The following TNIK variants were observed in gnomAD, a reference collection of about 807,000 sequenced individuals.
The protein encoded by TNIK is TRAF2 and NCK interacting kinase, also known as TRAF2 and NCK-interacting protein kinase.
Under a neutral mutation model 191.3 loss-of-function variants are expected in TNIK, and 49 were observed. That is an observed-to-expected ratio of 0.26 (90% CI 0.20 to 0.32). The LOEUF (loss-of-function observed/expected upper bound fraction) is 0.32. TNIK is among the 10% of genes least tolerant of loss of function. The pLI is 1.00. For missense variants in TNIK, 1,155 were observed against 1,702.3 expected (o/e 0.68, Z 5.66); for synonymous variants, 594 against 600.9 (o/e 0.99, Z 0.17).
intron 7 of TNIK, among the ~76,000 whole-genome samples, chr3:171,179,928 C>T (rs1036948675): frequency 3.9e-5 from 6 of 152,128 alleles, no homozygotes; most frequent in African/African-American, 1.4e-4. Flanking sequence ...TATCTCCAGA[C>T]CTTGGTAGTT....
chr3:171,403,611 CAAAAAAA>C lies in TNIK; in HGVS notation c.58-33933_58-33927del, dbSNP rs57982642. Among the ~76,000 whole-genome samples the C allele has an allele frequency of 3.6e-4, 36 of 100,166 alleles. 1 individual carries two copies. In the East Asian group the frequency reaches 0.013, roughly 35 times the overall value. 65.7% of individuals were successfully genotyped at this position (100,166 alleles called of 152,430 possible). ...CCTGGGCGACAGTGAGACTCCGTATCAAAAAAAAAAAAAAAAAAAAAAGAAAAGAAAA... is the reference window on the plus strand; with the variant it reads ...CCTGGGCGACAGTGAGACTCCGTATCAAAAAAAAAAAAAAAGAAAAGAAAA... On this transcript the variant is annotated intron_variant, in intron 1 of 32. Coordinates refer to ENST00000436636, the MANE Select transcript of TNIK (RefSeq NM_015028.4).
intron 5 of TNIK, among the ~76,000 whole-genome samples, chr3:171,192,999 A>G (rs1372916219): frequency 6.6e-6 from 1 of 152,176 alleles, no homozygotes; most frequent in African/African-American, 2.4e-5. Context: ...GCTGGAATAA[A>G]TTTTTGAATA....
Position 171,094,032 on chromosome 3 carries a change from TATTC to T in TNIK, c.2592-68_2592-65del, listed in dbSNP as rs534378811. On this transcript the variant is annotated intron_variant, in intron 22 of 32. Transcript: ENST00000436636. ...TTAGGAAATATCTGTTTCCTGTCCATATTCATTATTTTTGTTATGGTAAAATATA... is the reference window on the plus strand; with the variant it reads ...TTAGGAAATATCTGTTTCCTGTCCATATTATTTTTGTTATGGTAAAATATA... 5.6e-5 allele frequency: 87 copies of T among 1,554,068 alleles called. 1 individual carries two copies. In the East Asian group the frequency reaches 1.7e-3, roughly 31 times the overall value.
At chr3:171,104,110 A>AT (rs1576818654) in intron 21 of TNIK, among the ~76,000 whole-genome samples, 1 of 151,998 alleles carries the variant, frequency 6.6e-6, no homozygotes, top group African/African-American at 2.4e-5. Context: ...GAGGCGAGAC[A>AT]TATACCAGAA....
Position 171,140,425 on chromosome 3 carries a change from C to A in TNIK, c.1306G>T (p.Glu436Ter). 6.2e-7 allele frequency: 1 copy of A among 1,606,954 alleles called. No homozygotes were observed. Among genetic ancestry groups the A allele is most frequent in the Non-Finnish European group, 8.5e-7 (1 of 1,176,680 alleles). Residue 436 changes from glutamate to a stop codon, truncating the protein, a stop_gained, in exon 13 of 33, where the codon GAG (glutamate) becomes TAG (stop). Coordinates refer to ENST00000436636, the MANE Select transcript of TNIK (RefSeq NM_015028.4). LOFTEE classifies it high-confidence loss of function. ...HYEEQMRREE[E>*]RRRAEHEQEY... ...TGTTCATGCTCCGCACGCCTCCTCT[C>A]CTCCTCCCGGCGCATCTGCTCCTCA...
chr3:171,302,215 T>C (rs1388504021), intron 2 of TNIK, among the ~76,000 whole-genome samples: 1 of 152,138 alleles, frequency 6.6e-6, no homozygotes, highest in Non-Finnish European at 1.5e-5. Flanking sequence ...CCTGTGTTCT[T>C]GGCCTCACAA....
chr3:171,227,329 G>A lies in TNIK; in HGVS notation c.180+836C>T, dbSNP rs1318069970. Among the ~76,000 whole-genome samples the A allele has an allele frequency of 3.3e-5, 5 of 152,034 alleles. No individual in the cohort carries two copies. In the East Asian group the frequency reaches 9.6e-4, roughly 29 times the overall value. Reference sequence around the variant, plus strand: ...ATAATGATAAGAATTTGTGTTTATTGTGATTATTTGGTCAGTAATATTTTG... The same window carrying A: ...ATAATGATAAGAATTTGTGTTTATTATGATTATTTGGTCAGTAATATTTTG... On this transcript the variant is annotated intron_variant, in intron 3 of 32. Coordinates refer to ENST00000436636, the MANE Select transcript of TNIK (RefSeq NM_015028.4).
intron 4 of TNIK, among the ~76,000 whole-genome samples, chr3:171,209,595 A>G (rs1009383360): frequency 1.3e-5 from 2 of 152,030 alleles, no homozygotes; most frequent in South Asian, 2.1e-4. Context: ...CACTACTTTT[A>G]TATGTTGAAT....
intron 18 of TNIK, among the ~76,000 whole-genome samples, chr3:171,119,921 CATGTACCCTAAA>C (rs1727394051): frequency 6.6e-6 from 1 of 152,126 alleles, no homozygotes; most frequent in African/African-American, 2.4e-5. Flanking sequence ...ACGTTGTGCA[CATGTACCCTAAA>C]ACTTAAAGTA....
chr3:171,217,077 T>C (rs1343162154), intron 3 of TNIK, among the ~76,000 whole-genome samples: 1 of 152,108 alleles, frequency 6.6e-6, no homozygotes, highest in Non-Finnish European at 1.5e-5. Flanking sequence ...CAAATCATTC[T>C]GCCAAAAAAA....
chr3:171,302,689 T>C lies in TNIK; in HGVS notation c.123+66931A>G, dbSNP rs533682784. Reference sequence around the variant, plus strand: ...ATTCATTATATGTTTTAAAGGAAAGTCATTAATTCTTTGTAAATAATGTTT... The same window carrying C: ...ATTCATTATATGTTTTAAAGGAAAGCCATTAATTCTTTGTAAATAATGTTT... On this transcript the variant is annotated intron_variant, in intron 2 of 32. Coordinates refer to ENST00000436636, the MANE Select transcript of TNIK (RefSeq NM_015028.4). Among the ~76,000 whole-genome samples, 12 of 152,334 alleles carry C rather than the reference T, an allele frequency of 7.9e-5. No homozygotes were observed. In the South Asian group the frequency reaches 2.5e-3, roughly 32 times the overall value.
At chr3:171,230,364 G>T (rs1030945784) in intron 2 of TNIK, among the ~76,000 whole-genome samples, 3 of 152,196 alleles carry the variant, frequency 2.0e-5, no homozygotes, top group African/African-American at 7.2e-5. Context: ...CTAAAACACT[G>T]AAAGAGGGTA....
chr3:171,449,174 C>T lies in TNIK; in HGVS notation c.57+10833G>A, dbSNP rs186022564. On this transcript the variant is annotated intron_variant, in intron 1 of 32. Coordinates refer to ENST00000436636, the MANE Select transcript of TNIK (RefSeq NM_015028.4). Reference sequence around the variant, plus strand: ...TCATTGATGGGCATTTGGGTTGGTTCCAAGTCTTTGCTATTGTGAACAGTG... The same window carrying T: ...TCATTGATGGGCATTTGGGTTGGTTTCAAGTCTTTGCTATTGTGAACAGTG... Among the ~76,000 whole-genome samples the T allele has an allele frequency of 8.1e-3, 1,237 of 151,956 alleles. 8 individuals carry two copies. The highest frequency in any genetic ancestry group is 9.4e-3 in the Non-Finnish European group (637 of 67,958).
chr3:171,375,385 AC>A (rs1717072172), intron 1 of TNIK, among the ~76,000 whole-genome samples: 1 of 152,240 alleles, frequency 6.6e-6, no homozygotes, highest in African/African-American at 2.4e-5. Context: ...TTGCTTTTCA[AC>A]CAATAATATT....
intron 2 of TNIK, among the ~76,000 whole-genome samples, chr3:171,304,765 A>G (rs1753241185): frequency 6.6e-6 from 1 of 152,122 alleles, no homozygotes; most frequent in African/African-American, 2.4e-5. Context: ...CAAGGACAAA[A>G]AACCAAACAC....
rs17857452 is a variant in TNIK at position 171,085,121 on chromosome 3, C to G, written c.2995G>C (p.Ala999Pro). 4 of 1,604,360 alleles carry G rather than the reference C, an allele frequency of 2.5e-6. No homozygotes were observed. Among genetic ancestry groups the G allele is most frequent in the Non-Finnish European group, 3.4e-6 (4 of 1,175,194 alleles). ...EDEEDEESSA[A>P]ALFTSELLRQ... ...ACACAGGGCCCTTCTTGCTTACCTG[C>G]GGCTGATGATTCCTCATCCTCTTCA... Residue 999 changes from alanine to proline, a missense_variant, in exon 25 of 33, where the codon GCA (alanine) becomes CCA (proline). Around this residue, in one of 3 missense-constraint regions of TNIK, gnomAD observed 735 missense variants for 848.0 expected, o/e 0.87. Coordinates refer to ENST00000436636, the MANE Select transcript of TNIK (RefSeq NM_015028.4).
At chr3:171,098,773 C>CA (rs1723060054) in intron 22 of TNIK, among the ~76,000 whole-genome samples, 1 of 152,050 alleles carries the variant, frequency 6.6e-6, no homozygotes, top group Non-Finnish European at 1.5e-5. Flanking sequence ...CTCTGGCCCC[C>CA]AAATACTCAA....
In TNIK at chr3:171,137,618, T is replaced by TA. The variant is rs539269592; in HGVS notation, c.1608+572dup. The stretch of plus-strand genomic sequence containing the variant: ...TGCTAAGTTCCTGAAAATCCTTTCT[T>TA]AGTCTAGTAGTTAAGCAAATGAAGG... On this transcript the variant is annotated intron_variant, in intron 15 of 32. Transcript: ENST00000436636. 1.3e-3 allele frequency among the ~76,000 whole-genome samples: 204 copies of TA among 152,314 alleles called. 1 individual carries two copies. Among genetic ancestry groups the TA allele is most frequent in the Admixed American group, 2.9e-3 (45 of 15,300 alleles).
chr3:171,227,806 G>T (rs1271231674), intron 3 of TNIK, among the ~76,000 whole-genome samples: 6 of 151,768 alleles, frequency 4.0e-5, no homozygotes, highest in Admixed American at 3.9e-4. Flanking sequence ...GATTTTTTTT[G>T]ACTAACAGTG....
Sources: gnomAD v4.1 joint callset for allele counts (sites outside exome capture counted in the v4.1 genomes callset) on GRCh38, gnomAD v4.1.1 for gene constraint, gnomAD v4.1.1 regional missense constraint, MANE v1.5 for transcripts, NCBI Gene and HGNC (gene_info 2026-07-23, HGNC 2026-07-21) for gene names.